Variants in TUBGCP5 observed in about 807,000 individuals in gnomAD.
TUBGCP5 encodes the protein gamma-tubulin complex component 5.
A neutral mutation model predicts 134.7 loss-of-function variants in TUBGCP5; 98 were observed. That is an observed-to-expected ratio of 0.73 (90% confidence interval 0.62 to 0.86). TUBGCP5 has a LOEUF of 0.86. Among genes scored for constraint, TUBGCP5 ranks in the 40% least tolerant of loss-of-function variants. The probability of loss-of-function intolerance (pLI) is 0.00; values close to 1 mark genes in which losing one functional copy is unlikely to be tolerated. For missense variants in TUBGCP5, 1,150 were observed against 1,244.8 expected (o/e 0.92, Z 1.15); for synonymous variants, 456 against 431.4 (o/e 1.06, Z -0.71).
intron 10 of TUBGCP5, chr15:23,023,739 G>T (rs192439506): frequency 4.0e-4 from 186 of 470,378 alleles, no homozygotes; most frequent in African/African-American, 3.2e-3. Context: ...GAATAATTTA[G>T]ATTTTTCATT....
Position 23,039,455 on chromosome 15 carries a change from T to A in TUBGCP5, c.89A>T (p.Gln30Leu). 1 of 1,549,460 alleles carries A rather than the reference T, an allele frequency of 6.5e-7. No individual in the cohort carries two copies. The highest frequency in any genetic ancestry group is 1.2e-5 in the South Asian group (1 of 83,966). Residue 30 changes from glutamine (Q) to leucine (L), a missense_variant, in exon 1 of 23, where the codon CAG (glutamine) becomes CTG (leucine). Gln to Leu is a moderately radical substitution (Grantham distance 113, BLOSUM62 -2). Transcript: ENST00000615383. The stretch of plus-strand genomic sequence containing the variant: ...CTGGAAGTTGGGGTCTGCCTCGTCC[T>A]GGAGGCCGGCGACACCCCGGACGAG... ...RELVRGVAGL[Q>L]DEADPNFQLA...
Position 23,022,117 on chromosome 15 carries a change from G to T in TUBGCP5, c.1213C>A (p.Arg405=), listed in dbSNP as rs376134978. 2 of 1,614,038 alleles carry T rather than the reference G, an allele frequency of 1.2e-6. No homozygotes were observed. The highest frequency in any genetic ancestry group is 1.7e-6 in the Non-Finnish European group (2 of 1,180,050). Residue 405 remains arginine, a synonymous_variant, in exon 11 of 23, where the codon CGA becomes AGA. Transcript: ENST00000615383. ...TGCAGAACCTTGAGCTGAGACAATC[G>T]AGGTGCCAACTTGTCCACCACTATT... ...LAIVVDKLAP[R]LSQLKVLHKV...
At chr15:22,995,586 A>AAT (rs1555432148), downstream of TUBGCP5, among the ~76,000 whole-genome samples, 46 of 151,634 alleles carry the variant, frequency 3.0e-4, no homozygotes, top group African/African-American at 1.1e-3. Context: ...AAAAAAAAAA[A>AAT]AAACAAAACA....
intron 3 of TUBGCP5, among the ~76,000 whole-genome samples, chr15:23,033,285 T>C (rs116723749): frequency 0.037 from 5,599 of 152,038 alleles, 253 homozygotes; most frequent in African/African-American, 0.11. Context: ...TTTCATATTT[T>C]TTTTCCCCCC....
intron 18 of TUBGCP5, 174 bp from the exon 19 acceptor site, chr15:23,005,784 C>G (rs117601627): frequency 1.4e-6 from 1 of 717,172 alleles, no homozygotes; most frequent in South Asian, 2.1e-5. Context: ...GGAAAAGTTT[C>G]CTGTATCACT....
chr15:23,006,158 CA>C lies in TUBGCP5; in HGVS notation c.2426del (p.Val809GlyfsTer5). 1.9e-6 allele frequency: 3 copies of C among 1,609,620 alleles called. No individual in the cohort carries two copies. Among genetic ancestry groups the C allele is most frequent in the Non-Finnish European group, 2.5e-6 (3 of 1,179,156 alleles). On this transcript the variant is annotated frameshift_variant, in exon 18 of 23. Transcript: ENST00000615383. LOFTEE classifies it high-confidence loss of function. ...GACATTCCAAACTTATAACAATGTC[CA>C]CGGGCCATGGGACCTATGAAACAAA... ...LTLSYKVPWP[V>X]DIVISLECQK...
downstream of TUBGCP5, among the ~76,000 whole-genome samples, chr15:22,994,934 C>T (rs757299098): frequency 5.3e-5 from 8 of 151,864 alleles, no homozygotes; most frequent in African/African-American, 9.7e-5. Flanking sequence ...GGCAACATAG[C>T]GAGACCCCAT....
chr15:23,011,170 C>T lies in TUBGCP5; in HGVS notation c.1918G>A (p.Asp640Asn), dbSNP rs779365389. ...ATGGCAAGCAGTGGATCATGAACAT[C>T]ATCCAGTTCAAGATGGCTTTCAGCA... is the stretch of plus-strand genomic sequence containing the variant. ...SIAESHLELDDVHDPLLAINF... is the reference protein window; with the variant it reads ...SIAESHLELDNVHDPLLAINF... Residue 640 changes from aspartate (D) to asparagine (N), a missense_variant, in exon 14 of 23, where the codon GAT becomes AAT. By Grantham distance (23) the Asp-to-Asn change is conservative. Coordinates refer to ENST00000615383, the MANE Select transcript of TUBGCP5 (RefSeq NM_052903.6). 1 of 1,613,990 alleles carries T rather than the reference C, an allele frequency of 6.2e-7. No homozygotes were observed. Among genetic ancestry groups the T allele is most frequent in the South Asian group, 1.1e-5 (1 of 91,066 alleles).
At chr15:23,033,426 G>A (rs1043160615) in intron 3 of TUBGCP5, among the ~76,000 whole-genome samples, 18 of 151,950 alleles carry the variant, frequency 1.2e-4, no homozygotes, top group East Asian at 5.8e-4. Flanking sequence ...TTACAGGTAC[G>A]CACCACCACG....
rs1434409796 is a variant in TUBGCP5, at chr15:23,026,564, AAC to A, written c.738-361_738-360del. ...ACTGAAATTAACAACAAAAAATGGA[AAC>A]AGAGACTATAATTAAATAATACTAT... On this transcript the variant is annotated intron_variant, in intron 7 of 22. Coordinates refer to ENST00000615383, the MANE Select transcript of TUBGCP5 (RefSeq NM_052903.6). 7.2e-5 allele frequency among the ~76,000 whole-genome samples: 11 copies of A among 152,330 alleles called. No individual in the cohort carries two copies. The South Asian group carries it at 1.4e-3, about 20-fold the overall frequency.
At chr15:22,995,207 G>C (rs900666292), downstream of TUBGCP5, among the ~76,000 whole-genome samples, 2 of 151,796 alleles carry the variant, frequency 1.3e-5, no homozygotes, top group African/African-American at 4.8e-5. Flanking sequence ...TCACACCATT[G>C]CACTCCAGCC....
chr15:23,035,627 C>T (rs2066547775), intron 3 of TUBGCP5, among the ~76,000 whole-genome samples: 1 of 152,130 alleles, frequency 6.6e-6, no homozygotes, highest in Non-Finnish European at 1.5e-5. Context: ...CCTCACTCAC[C>T]CCACTGCACC....
Position 22,988,918 on chromosome 15 carries a change from C to T in TUBGCP5, c.*62-5307G>A, listed in dbSNP as rs192776511. On this transcript the variant is annotated intron_variant and NMD_transcript_variant, in intron 23 of 23. Coordinates refer to the TUBGCP5 transcript ENST00000614508. ...CCAGCTAGTTTTTGTGTTTTTAGTACAGACAGGATTTCTCCATATTGGTGT... is the reference window on the plus strand; with the variant it reads ...CCAGCTAGTTTTTGTGTTTTTAGTATAGACAGGATTTCTCCATATTGGTGT... Among the ~76,000 whole-genome samples, 793 of 151,878 alleles carry T rather than the reference C, an allele frequency of 5.2e-3. 11 individuals are homozygous for T. The highest frequency in any genetic ancestry group is 0.019 in the African/African-American group (769 of 41,440).
At chr15:22,988,547 C>T (rs2063750638) in intron 23 of TUBGCP5, among the ~76,000 whole-genome samples, 1 of 151,380 alleles carries the variant, frequency 6.6e-6, no homozygotes. Flanking sequence ...TCCTGGCTAA[C>T]ACAGTGAAAC....
chr15:23,000,725 C>G, intron 21 of TUBGCP5, 56 bp from the exon 22 acceptor site: 1 of 1,280,898 alleles, frequency 7.8e-7, no homozygotes, highest in Non-Finnish European at 1.1e-6. Flanking sequence ...TATAGGTAGG[C>G]TTCAAGATAT....
chr15:23,000,743 G>A (rs2064324870), intron 21 of TUBGCP5, 74 bp from the exon 22 acceptor site: 24 of 1,103,742 alleles, frequency 2.2e-5, no homozygotes, highest in South Asian at 3.7e-5. Flanking sequence ...TATCTGTGGA[G>A]TAATTTCAAA....
chr15:22,984,865 AG>A (rs2063634693), intron 23 of TUBGCP5, among the ~76,000 whole-genome samples: 1 of 152,182 alleles, frequency 6.6e-6, no homozygotes, highest in Non-Finnish European at 1.5e-5. Context: ...TAGTACCTTT[AG>A]GAAAAAAATG....
In TUBGCP5 at chr15:23,036,957, A is replaced by G; in HGVS notation, c.249T>C (p.Ser83=). Residue 83 remains serine, a synonymous_variant, in exon 3 of 23, where the codon AGT becomes AGC. Transcript: ENST00000615383. ...VIHSDLSKAA[S]WKRLTEEFLN... ...GAAATTCCTCCGTTAATCTCTTCCAACTAGCAGCTTTGCTTAGATCAGAAT... is the reference window on the plus strand; with the variant it reads ...GAAATTCCTCCGTTAATCTCTTCCAGCTAGCAGCTTTGCTTAGATCAGAAT... 6.2e-7 allele frequency: 1 copy of G among 1,612,926 alleles called. No individual in the cohort carries two copies. Among genetic ancestry groups the G allele is most frequent in the East Asian group, 2.2e-5 (1 of 44,846 alleles).
intron 19 of TUBGCP5, chr15:23,004,480 A>T (rs1826469541): frequency 1.6e-5 from 7 of 429,466 alleles, no homozygotes; most frequent in Admixed American, 4.7e-5. Context: ...CAAACTCTGG[A>T]CTAACAGACT....
Sources: gnomAD v4.1 joint callset for allele counts (sites outside exome capture counted in the v4.1 genomes callset) on GRCh38, gnomAD v4.1.1 for gene constraint, MANE v1.5 for transcripts, NCBI Gene and HGNC (gene_info 2026-07-23, HGNC 2026-07-21) for gene names.